RNF122: variants seen among roughly 807,000 people sequenced by gnomAD.
The protein encoded by RNF122 is ring finger protein 122.
Under a neutral mutation model 24.2 loss-of-function variants are expected in RNF122, and 17 were observed. The ratio of observed to expected loss-of-function variants is 0.70; its 90% CI spans 0.48 to 1.06. The LOEUF is 1.06. Ranked by LOEUF, RNF122 falls within the 50% of genes least tolerant of loss-of-function variation. The pLI, the probability that RNF122 is intolerant of heterozygous loss-of-function variation, is 0.00. For missense variants in RNF122, 168 were observed against 198.1 expected (o/e 0.85, Z 0.91); for synonymous variants, 65 against 71.8 (o/e 0.91, Z 0.48).
rs929753129 is a variant in RNF122 at position 33,566,917 on chromosome 8, G to A, written c.-194C>T. 3 of 629,100 alleles carry A rather than the reference G, an allele frequency of 4.8e-6. No homozygotes were observed. The highest frequency in any genetic ancestry group is 8.5e-6 in the Non-Finnish European group (3 of 352,004). The allele number at this position is 629,100 out of a possible 1,614,324, so 39.0% of individuals were successfully genotyped here. A position where few individuals can be genotyped will look rare whatever the true frequency, so the allele number is the denominator to read the frequency against. On this transcript the variant is annotated 5_prime_UTR_variant, in exon 1 of 6. Coordinates refer to ENST00000256257, the MANE Select transcript of RNF122 (RefSeq NM_024787.3). The stretch of plus-strand genomic sequence containing the variant: ...GGCTGGTGTTCAGCCCAACAAAGAG[G>A]GACGAGGAGGAAACAAACAAAGTCC...
At chr8:33,564,985 A>C (rs1810600215) in intron 1 of RNF122, among the ~76,000 whole-genome samples, 1 of 152,188 alleles carries the variant, frequency 6.6e-6, no homozygotes, top group Non-Finnish European at 1.5e-5. Flanking sequence ...ATTTCTCCCT[A>C]AGTCTCTGTT....
intron 1 of RNF122, among the ~76,000 whole-genome samples, chr8:33,559,468 C>A (rs11787215): frequency 3.9e-5 from 6 of 152,274 alleles, no homozygotes; most frequent in African/African-American, 1.4e-4. Flanking sequence ...GAAATTACCT[C>A]TAAGCTTCAC....
Position 33,566,748 on chromosome 8 carries a change from C to T in RNF122, c.-25G>A, listed in dbSNP as rs769228600. 10 of 1,600,596 alleles carry T rather than the reference C, an allele frequency of 6.2e-6. No individual in the cohort carries two copies. In the Admixed American group the frequency reaches 1.6e-4, roughly 25 times the overall value. ...TCAATGAAGTCGCGGTTGGCTTCCTCGGGCGAACGGACGCAGGCGGGGTGC... is the reference window on the plus strand; with the variant it reads ...TCAATGAAGTCGCGGTTGGCTTCCTTGGGCGAACGGACGCAGGCGGGGTGC... On this transcript the variant is annotated 5_prime_UTR_variant, in exon 1 of 6. Coordinates refer to ENST00000256257, the MANE Select transcript of RNF122 (RefSeq NM_024787.3).
At position 33,556,179 on chromosome 8, in the gene RNF122, C is replaced by CAAAAAAAAAA. The variant is rs538829399; in HGVS notation, c.182+2426_182+2435dup. 1.0e-3 allele frequency among the ~76,000 whole-genome samples: 34 copies of CAAAAAAAAAA among 33,990 alleles called. 1 individual carries two copies. The highest frequency in any genetic ancestry group is 3.1e-3 in the African/African-American group (30 of 9,746). The allele number at this position is 33,990 out of a possible 152,430, so 22.3% of individuals were successfully genotyped here. A position where few individuals can be genotyped will look rare whatever the true frequency, so the allele number is the denominator to read the frequency against. ...TGGGCAACAGAGCAAGACCCTGTCT[C>CAAAAAAAAAA]AAAAAAAAAAAAAAAAAAAAAAAAA... On this transcript the variant is annotated intron_variant, in intron 2 of 5. Coordinates refer to ENST00000256257, the MANE Select transcript of RNF122 (RefSeq NM_024787.3).
At chr8:33,551,450 A>G (rs1171604030) in intron 2 of RNF122, 61 bp from the exon 3 acceptor site, 2 of 1,575,686 alleles carry the variant, frequency 1.3e-6, no homozygotes, top group Non-Finnish European at 1.7e-6. Flanking sequence ...AAAGCAGGAG[A>G]GGCTGGCTGG....
intron 1 of RNF122, among the ~76,000 whole-genome samples, chr8:33,565,234 C>A (rs993292302): frequency 3.3e-5 from 5 of 152,120 alleles, no homozygotes; most frequent in Non-Finnish European, 5.9e-5. Flanking sequence ...CGGCTTGGTT[C>A]ATTTTCAGGA....
At chr8:33,554,532 G>GA (rs563274131) in intron 2 of RNF122, among the ~76,000 whole-genome samples, 164 of 152,252 alleles carry the variant, frequency 1.1e-3, no homozygotes, top group African/African-American at 3.6e-3. Context: ...TTTCAGCTCA[G>GA]AAAGGATGAG....
At chr8:33,562,511 A>G (rs1488370642) in intron 1 of RNF122, among the ~76,000 whole-genome samples, 1 of 148,520 alleles carries the variant, frequency 6.7e-6, no homozygotes, top group African/African-American at 2.5e-5. Context: ...CACTGCACTT[A>G]GCATGGGCCA....
chr8:33,551,466 TG>T, intron 2 of RNF122, 77 bp from the exon 3 acceptor site: 1 of 1,504,642 alleles, frequency 6.6e-7, no homozygotes, highest in Non-Finnish European at 9.2e-7. Context: ...GCTGGCTGCT[TG>T]GGCATTCTTC....
At chr8:33,552,986 G>A (rs959477644) in intron 2 of RNF122, among the ~76,000 whole-genome samples, 1 of 150,194 alleles carries the variant, frequency 6.7e-6, no homozygotes, top group Non-Finnish European at 1.5e-5. Context: ...CATAAGCATC[G>A]CTTGAACCCA....
At position 33,560,449 on chromosome 8, in the gene RNF122, C is replaced by T. The variant is rs184517611; in HGVS notation, c.26-1678G>A. On this transcript the variant is annotated intron_variant, in intron 1 of 5. Transcript: ENST00000256257. Reference sequence around the variant, plus strand: ...AGTGCAGTGGTGTAAACATGCCTCACTGTATCCTCCAACTCCTGGCCTCAA... The same window carrying T: ...AGTGCAGTGGTGTAAACATGCCTCATTGTATCCTCCAACTCCTGGCCTCAA... Among the ~76,000 whole-genome samples the T allele has an allele frequency of 5.3e-5, 8 of 152,214 alleles. No individual in the cohort carries two copies. In the East Asian group the frequency reaches 1.5e-3, roughly 29 times the overall value.
chr8:33,548,589 C>G lies in RNF122; in HGVS notation c.*164G>C. 1 of 559,778 alleles carries G rather than the reference C, an allele frequency of 1.8e-6. No individual in the cohort carries two copies. Among genetic ancestry groups the G allele is most frequent in the Non-Finnish European group, 3.2e-6 (1 of 308,808 alleles). 34.7% of individuals were successfully genotyped at this position (559,778 alleles called of 1,614,324 possible). On this transcript the variant is annotated 3_prime_UTR_variant, in exon 6 of 6. Transcript: ENST00000256257. ...AGGCAGGAAGTGGGGGCACATCTGG[C>G]ACTGGTCTTGCACTGAGGGTAGAAG...
At chr8:33,553,926 C>T (rs538743113) in intron 2 of RNF122, among the ~76,000 whole-genome samples, 1 of 152,326 alleles carries the variant, frequency 6.6e-6, no homozygotes, top group South Asian at 2.1e-4. Context: ...ACCGTCCCCT[C>T]CCCTCCCACC....
At chr8:33,565,553 G>A (rs566580654) in intron 1 of RNF122, among the ~76,000 whole-genome samples, 2 of 152,338 alleles carry the variant, frequency 1.3e-5, no homozygotes, top group Non-Finnish European at 2.9e-5. Flanking sequence ...AGGTTTTGAA[G>A]TGTCCCGCTC....
intron 1 of RNF122, among the ~76,000 whole-genome samples, chr8:33,563,176 A>G (rs1421206868): frequency 6.6e-6 from 1 of 151,820 alleles, no homozygotes; most frequent in Non-Finnish European, 1.5e-5. Flanking sequence ...GGACTTTTGT[A>G]TATTCTCCAG....
chr8:33,562,787 G>A (rs985188667), intron 1 of RNF122, among the ~76,000 whole-genome samples: 23 of 152,202 alleles, frequency 1.5e-4, no homozygotes, highest in African/African-American at 5.3e-4. Context: ...GCTGGGTTTG[G>A]TGTCTGGCAC....
intron 1 of RNF122, 111 bp downstream of exon 1, chr8:33,566,588 G>A: frequency 8.8e-7 from 1 of 1,130,108 alleles, no homozygotes; most frequent in African/African-American, 1.5e-5. Flanking sequence ...TCCCATTTCA[G>A]GAGAAACTTG....
At position 33,548,528 on chromosome 8, in the gene RNF122, C is replaced by A; in HGVS notation, c.*225G>T. On this transcript the variant is annotated 3_prime_UTR_variant, in exon 6 of 6. Transcript: ENST00000256257. The stretch of plus-strand genomic sequence containing the variant: ...GAGACAGTGGTCTTGATGGGTGAGG[C>A]CACCAGCATGGAGTAGCAGGGAAGA... The A allele has an allele frequency of 2.2e-6, 1 of 458,468 alleles. No individual in the cohort carries two copies. The highest frequency in any genetic ancestry group is 3.4e-5 in the Admixed American group (1 of 29,426). 28.4% of individuals were successfully genotyped at this position (458,468 alleles called of 1,614,324 possible).
At chr8:33,549,925 G>C (rs898451750) in intron 4 of RNF122, among the ~76,000 whole-genome samples, 8 of 151,626 alleles carry the variant, frequency 5.3e-5, no homozygotes, top group Non-Finnish European at 1.2e-4. Context: ...TGGTATATGT[G>C]ATCAGTTATG....
Sources: gnomAD v4.1 joint callset for allele counts (sites outside exome capture counted in the v4.1 genomes callset) on GRCh38, gnomAD v4.1.1 for gene constraint, MANE v1.5 for transcripts, NCBI Gene and HGNC (gene_info 2026-07-23, HGNC 2026-07-21) for gene names.